The following CTTNBP2 variants were observed in gnomAD, a reference collection of about 807,000 sequenced individuals.
The protein encoded by CTTNBP2 is cortactin binding protein 2, also known as cortactin-binding protein 2.
CTTNBP2 carries 108 observed loss-of-function variants against 156.9 expected under a neutral mutation model. The observed-to-expected ratio is 0.69, with a 90% CI of 0.59 to 0.81. The LOEUF is 0.81. Among genes scored for constraint, CTTNBP2 ranks in the 30% least tolerant of loss-of-function variants. CTTNBP2 has a pLI of 0.00. For synonymous variants in CTTNBP2, 767 were observed against 751.8 expected, an observed-to-expected ratio of 1.02 and a Z score of -0.33; for missense variants, 1,924 against 2,035.4, an observed-to-expected ratio of 0.95 and a Z score of 1.05.
chr7:117,780,600 A>G lies in CTTNBP2; in HGVS notation c.2373-9T>C. 1 of 1,544,802 alleles carries G rather than the reference A, an allele frequency of 6.5e-7. No homozygotes were observed. The highest frequency in any genetic ancestry group is 8.7e-7 in the Non-Finnish European group (1 of 1,144,168). ...TTAATAATTCTACACACCTAAACACAAGATTAGGATTAATTACATAAAACC... is the reference window on the plus strand; with the variant it reads ...TTAATAATTCTACACACCTAAACACGAGATTAGGATTAATTACATAAAACC... On this transcript the variant is annotated splice_polypyrimidine_tract_variant and intron_variant, in intron 6 of 22. Transcript: ENST00000160373.
chr7:117,760,654 C>G lies in CTTNBP2; in HGVS notation c.2953G>C (p.Gly985Arg). Reference sequence around the variant, plus strand: ...TTTTCACATTCCAAGTCATCAGAACCATAGTTGCTTGGTTCAATCTCACCC... The same window carrying G: ...TTTTCACATTCCAAGTCATCAGAACGATAGTTGCTTGGTTCAATCTCACCC... ...SVGEIEPSNY[G>R]SDDLECENTI... The change falls in exon 10 of 23, where the codon GGT (glycine) becomes CGT (arginine). Residue 985 changes from glycine to arginine, a missense_variant. Coordinates refer to ENST00000160373, the MANE Select transcript of CTTNBP2 (RefSeq NM_033427.3). 2 of 1,613,460 alleles carry G rather than the reference C, an allele frequency of 1.2e-6. No homozygotes were observed. Among genetic ancestry groups the G allele is most frequent in the Non-Finnish European group, 1.7e-6 (2 of 1,179,564 alleles).
At chr7:117,861,145 G>T in intron 2 of CTTNBP2, 64 bp downstream of exon 2, 3 of 929,642 alleles carry the variant, frequency 3.2e-6, no homozygotes, top group South Asian at 3.0e-5. Context: ...AAGAAGGTTT[G>T]CCAATGGCTC....
chr7:117,780,658 G>T, intron 6 of CTTNBP2, 67 bp from the exon 7 acceptor site: 1 of 934,534 alleles, frequency 1.1e-6, no homozygotes, highest in Non-Finnish European at 1.6e-6. Flanking sequence ...ACCTAACCAA[G>T]ATATTAAATA....
In CTTNBP2 at chr7:117,791,776, C is replaced by T. The variant is rs1392627158; in HGVS notation, c.1420G>A (p.Val474Ile). ...AGGTTGTCACGACTTGTAGGCGAGA[C>T]ATCTCTTGACGGAGGACTTTGGGTA... is the stretch of plus-strand genomic sequence containing the variant. ...NTTQSPPSRD[V>I]SPTSRDNLVA... The change falls in exon 4 of 23, where the codon GTC (valine) becomes ATC (isoleucine). Residue 474 changes from valine (V) to isoleucine (I), a missense_variant. Coordinates refer to ENST00000160373, the MANE Select transcript of CTTNBP2 (RefSeq NM_033427.3). 1 of 1,614,184 alleles carries T rather than the reference C, an allele frequency of 6.2e-7. No homozygotes were observed. The highest frequency in any genetic ancestry group is 1.1e-5 in the South Asian group (1 of 91,082).
In CTTNBP2 at chr7:117,774,735, T is replaced by C. The variant is rs1295317465; in HGVS notation, c.2778+2776A>G. Among the ~76,000 whole-genome samples, 11 of 151,666 alleles carry C rather than the reference T, an allele frequency of 7.3e-5. No homozygotes were observed. In the East Asian group the frequency reaches 2.1e-3, roughly 30 times the overall value. On this transcript the variant is annotated intron_variant, in intron 8 of 22. Transcript: ENST00000160373. ...CCTTCAAGCTCTGAAATTCCACAGTTCTCTACTGAAAACCACGTGGAAACT... is the reference window on the plus strand; with the variant it reads ...CCTTCAAGCTCTGAAATTCCACAGTCCTCTACTGAAAACCACGTGGAAACT...
intron 3 of CTTNBP2, among the ~76,000 whole-genome samples, chr7:117,806,506 G>A (rs1799951656): frequency 1.3e-5 from 2 of 151,990 alleles, no homozygotes; most frequent in Admixed American, 1.3e-4. Flanking sequence ...CTCTCCCTGG[G>A]CACTCCAACC....
intron 2 of CTTNBP2, among the ~76,000 whole-genome samples, chr7:117,822,485 C>T (rs1158725445): frequency 1.3e-5 from 2 of 152,052 alleles, no homozygotes; most frequent in Non-Finnish European, 2.9e-5. Flanking sequence ...TTACATCTTT[C>T]TCCTTTTCAA....
In CTTNBP2 at chr7:117,773,702, CACA is replaced by C. The variant is rs1562992531; in HGVS notation, c.2778+3806_2778+3808del. On this transcript the variant is annotated intron_variant, in intron 8 of 22. Transcript: ENST00000160373. ...ACACACACACACACACACACACACA[CACA>C]CACCCCAAAAAACAAAAAGCAGAAA... 1.8e-3 allele frequency among the ~76,000 whole-genome samples: 219 copies of C among 120,580 alleles called. 1 individual carries two copies. Among genetic ancestry groups the C allele is most frequent in the African/African-American group, 5.5e-3 (140 of 25,558 alleles). The allele number at this position is 120,580 out of a possible 152,430, so 79.1% of individuals were successfully genotyped here.
At chr7:117,784,612 C>A (rs1798612590) in intron 4 of CTTNBP2, among the ~76,000 whole-genome samples, 158 bp from the exon 5 acceptor site, 1 of 152,196 alleles carries the variant, frequency 6.6e-6, no homozygotes, top group African/African-American at 2.4e-5. Flanking sequence ...ATTTACTTAG[C>A]ATGAATCTGG....
intron 1 of CTTNBP2, among the ~76,000 whole-genome samples, chr7:117,866,416 C>G (rs35895632): frequency 0.56 from 85,021 of 151,934 alleles, 24,238 homozygotes; most frequent in African/African-American, 0.61. Flanking sequence ...CACATCCGTC[C>G]TATCAGGGCT....
chr7:117,859,081 G>A (rs1434359412), intron 2 of CTTNBP2, among the ~76,000 whole-genome samples: 1 of 151,910 alleles, frequency 6.6e-6, no homozygotes, highest in Non-Finnish European at 1.5e-5. Context: ...ATATTTTCCT[G>A]GTATCTTTGT....
chr7:117,834,486 T>C (rs977703751), intron 2 of CTTNBP2, among the ~76,000 whole-genome samples: 2 of 152,242 alleles, frequency 1.3e-5, no homozygotes, highest in African/African-American at 4.8e-5. Flanking sequence ...TATCCTTTTT[T>C]TCCCTATTTA....
At chr7:117,844,603 A>C (rs1251344833) in intron 2 of CTTNBP2, among the ~76,000 whole-genome samples, 2 of 152,216 alleles carry the variant, frequency 1.3e-5, no homozygotes, top group Non-Finnish European at 2.9e-5. Context: ...AACCATTCTA[A>C]GGACTTTTGC....
rs566075072 is a variant in CTTNBP2 at position 117,776,116 on chromosome 7, T to C, written c.2778+1395A>G. Reference sequence around the variant, plus strand: ...CCCTTACATTCAGCATGTCTAAAACTGCATTCTGTCTTCTTGATCAAAATG... The same window carrying C: ...CCCTTACATTCAGCATGTCTAAAACCGCATTCTGTCTTCTTGATCAAAATG... On this transcript the variant is annotated intron_variant, in intron 8 of 22. Coordinates refer to ENST00000160373, the MANE Select transcript of CTTNBP2 (RefSeq NM_033427.3). Among the ~76,000 whole-genome samples the C allele has an allele frequency of 8.5e-5, 13 of 152,318 alleles. No homozygotes were observed. The South Asian group carries it at 2.7e-3, about 32-fold the overall frequency.
intron 3 of CTTNBP2, 29 bp downstream of exon 3, chr7:117,810,736 G>A (rs758834122): frequency 1.3e-6 from 2 of 1,567,898 alleles, no homozygotes; most frequent in African/African-American, 2.7e-5. Flanking sequence ...CATGTTGTGG[G>A]GAAAATGACC....
intron 3 of CTTNBP2, among the ~76,000 whole-genome samples, chr7:117,794,327 T>C (rs1799196760): frequency 6.6e-6 from 1 of 152,184 alleles, no homozygotes; most frequent in Admixed American, 6.5e-5. Flanking sequence ...CATGCCTCAC[T>C]TCCCCAACTA....
chr7:117,835,250 C>A (rs775638094), intron 2 of CTTNBP2, among the ~76,000 whole-genome samples: 3 of 152,212 alleles, frequency 2.0e-5, no homozygotes, highest in Non-Finnish European at 4.4e-5. Context: ...TGTGTCTTGT[C>A]CACATGAAAG....
chr7:117,716,613 C>T (rs1174056143), intron 22 of CTTNBP2, among the ~76,000 whole-genome samples: 1 of 152,178 alleles, frequency 6.6e-6, no homozygotes, highest in Non-Finnish European at 1.5e-5. Context: ...AGGTCACCTT[C>T]TTAGGTCATC....
chr7:117,719,569 C>T lies in CTTNBP2; in HGVS notation c.4579G>A (p.Glu1527Lys), dbSNP rs571557190. ...TGAAGTTCCTTGACAAGATCTGCTT[C>T]GTCATCTGAACCCAGAGAGAGTCTC... ...DQRLSLGSDD[E>K]ADLVKELQSM... Residue 1527 changes from glutamate (E) to lysine (K), a missense_variant, in exon 21 of 23, where the codon GAA (glutamate) becomes AAA (lysine). Glu to Lys is a moderately conservative substitution (Grantham distance 56). Transcript: ENST00000160373. 6.8e-5 allele frequency: 109 copies of T among 1,613,788 alleles called. No individual in the cohort carries two copies. Among genetic ancestry groups the T allele is most frequent in the African/African-American group, 1.9e-4 (14 of 75,032 alleles).
Sources: gnomAD v4.1 joint callset for allele counts (sites outside exome capture counted in the v4.1 genomes callset) on GRCh38, gnomAD v4.1.1 for gene constraint, MANE v1.5 for transcripts, NCBI Gene and HGNC (gene_info 2026-07-23, HGNC 2026-07-21) for gene names.